NAA11: variants seen among roughly 807,000 people sequenced by gnomAD.
NAA11 encodes the protein N-alpha-acetyltransferase 11, NatA catalytic subunit.
Under a neutral mutation model 16.1 loss-of-function variants are expected in NAA11, and 15 were observed. That is an observed-to-expected ratio of 0.93 (90% CI 0.62 to 1.44). The LOEUF is 1.44. Ranked by LOEUF, NAA11 falls within the 40% of genes most tolerant of loss-of-function variation. The pLI is 0.00. For synonymous variants in NAA11, 122 were observed against 112.4 expected, an observed-to-expected ratio of 1.09 and a Z score of -0.54; for missense variants, 298 against 291.3, an observed-to-expected ratio of 1.02 and a Z score of -0.17.
At chr4:79,204,936 C>T in the NAA11 span, among the ~76,000 whole-genome samples, 2 of 151,456 alleles carry the variant, frequency 1.3e-5, no homozygotes, top group Non-Finnish European at 3.0e-5. Context: ...TATACACACA[C>T]ACACACACAC....
Position 79,249,736 on chromosome 4 carries a change from C to G in NAA11, c.*123-23466G>C, listed in dbSNP as rs528712249. 3.3e-5 allele frequency among the ~76,000 whole-genome samples: 5 copies of G among 152,174 alleles called. No individual in the cohort carries two copies. In the East Asian group the frequency reaches 9.6e-4, roughly 29 times the overall value. ...CCCCAAACCTTGCTAGAAAGACCAA[C>G]ATTCAAATTCAGAAAACACAGAGAA... On this transcript the variant is annotated intron_variant and NMD_transcript_variant, in intron 2 of 2. Coordinates refer to the NAA11 transcript ENST00000511542.
In NAA11 at chr4:79,325,202, C is replaced by T. The variant is rs1235233451; in HGVS notation, c.676G>A (p.Asp226Asn). ...TTAAGCATGCTCTAGGAGGTGGAAT[C>T]CGAGCTTTCTGAGCTGTCCTGGACG... ...TNVQDSSESS[D>N]STS The change falls in exon 1 of 2, where the codon GAT (aspartate) becomes AAT (asparagine). Residue 226 changes from aspartate to asparagine, a missense_variant. Asp to Asn is a conservative substitution (Grantham distance 23). Transcript: ENST00000286794. 2 of 1,609,290 alleles carry T rather than the reference C, an allele frequency of 1.2e-6. No homozygotes were observed. Among genetic ancestry groups the T allele is most frequent in the East Asian group, 2.2e-5 (1 of 44,768 alleles).
At chr4:79,284,101 A>G (rs1338451863) in intron 2 of NAA11, among the ~76,000 whole-genome samples, 1 of 152,066 alleles carries the variant, frequency 6.6e-6, no homozygotes, top group Non-Finnish European at 1.5e-5. Flanking sequence ...TTGTCTCTAA[A>G]CCCAAAAACA....
intron 1 of NAA11, among the ~76,000 whole-genome samples, chr4:79,309,952 T>C (rs774773578): frequency 5.8e-4 from 88 of 152,132 alleles, no homozygotes; most frequent in Non-Finnish European, 1.1e-3. Context: ...CCTGACCTCG[T>C]GATCCGCCCA....
chr4:79,265,401 C>G (rs1315937091), intron 2 of NAA11, among the ~76,000 whole-genome samples: 1 of 152,192 alleles, frequency 6.6e-6, no homozygotes, highest in African/African-American at 2.4e-5. Context: ...CTGTTCAAAA[C>G]TCTCTGCTGA....
At chr4:79,176,987 T>C in the NAA11 span, among the ~76,000 whole-genome samples, 1 of 152,156 alleles carries the variant, frequency 6.6e-6, no homozygotes, top group Non-Finnish European at 1.5e-5. Context: ...GAGCTTCCTA[T>C]ATTAGTGGAC....
chr4:79,276,995 C>A (rs1560442805), intron 2 of NAA11, among the ~76,000 whole-genome samples: 1 of 152,172 alleles, frequency 6.6e-6, no homozygotes, highest in Non-Finnish European at 1.5e-5. Context: ...TTAGGGGCTA[C>A]TAGCCAGATG....
At chr4:79,318,248 G>C (rs922758037) in intron 1 of NAA11, among the ~76,000 whole-genome samples, 1 of 152,158 alleles carries the variant, frequency 6.6e-6, no homozygotes, top group Non-Finnish European at 1.5e-5. Context: ...GATGCAATGT[G>C]TCCAACTCTA....
chr4:79,156,327 G>A, the NAA11 span, among the ~76,000 whole-genome samples: 22 of 60,254 alleles, frequency 3.7e-4, no homozygotes, highest in African/African-American at 8.0e-4. Flanking sequence ...GTGTGTGTGT[G>A]TGTATATATA....
intron 1 of NAA11, among the ~76,000 whole-genome samples, chr4:79,323,241 T>C (rs1325686420): frequency 6.6e-6 from 1 of 152,218 alleles, no homozygotes; most frequent in Non-Finnish European, 1.5e-5. Flanking sequence ...AAACTGCCAG[T>C]AGCTCACCGA....
At chr4:79,228,888 A>G (rs966598657) in intron 2 of NAA11, among the ~76,000 whole-genome samples, 1 of 151,982 alleles carries the variant, frequency 6.6e-6, no homozygotes, top group Admixed American at 6.6e-5. Flanking sequence ...AAAACGACCA[A>G]ACTGTTTTCC....
intron 2 of NAA11, among the ~76,000 whole-genome samples, chr4:79,260,933 C>A (rs1312687376): frequency 1.3e-5 from 2 of 152,194 alleles, no homozygotes; most frequent in African/African-American, 4.8e-5. Flanking sequence ...CAAAATATTA[C>A]ATCTATGGTG....
the NAA11 span, among the ~76,000 whole-genome samples, chr4:79,159,509 G>T: frequency 6.6e-6 from 1 of 152,274 alleles, no homozygotes; most frequent in South Asian, 2.1e-4. Flanking sequence ...CTATTTTAAA[G>T]TATACAGTTC....
At chr4:79,292,448 T>C (rs1723109387) in intron 2 of NAA11, among the ~76,000 whole-genome samples, 1 of 152,224 alleles carries the variant, frequency 6.6e-6, no homozygotes, top group Non-Finnish European at 1.5e-5. Context: ...AAGCAGAAGC[T>C]AAAACAGAAT....
chr4:79,204,693 T>G, the NAA11 span, among the ~76,000 whole-genome samples: 1 of 151,940 alleles, frequency 6.6e-6, no homozygotes, highest in African/African-American at 2.4e-5. Context: ...TAATTAATTT[T>G]TAATCCCTTA....
chr4:79,208,764 A>T, the NAA11 span, among the ~76,000 whole-genome samples: 2 of 151,788 alleles, frequency 1.3e-5, no homozygotes, highest in African/African-American at 4.8e-5. Context: ...ATACCTCTTC[A>T]TAGAAATTTA....
chr4:79,209,562 C>G, the NAA11 span, among the ~76,000 whole-genome samples: 9 of 152,044 alleles, frequency 5.9e-5, no homozygotes, highest in African/African-American at 2.2e-4. Context: ...TTACTGTTGT[C>G]ACTCTGAGTA....
At chr4:79,176,807 T>C in the NAA11 span, among the ~76,000 whole-genome samples, 1 of 152,154 alleles carries the variant, frequency 6.6e-6, no homozygotes, top group African/African-American at 2.4e-5. Context: ...AGAAAATCAT[T>C]TGAGCAGGCA....
At chr4:79,323,154 C>T (rs1027954610) in intron 1 of NAA11, among the ~76,000 whole-genome samples, 5 of 152,100 alleles carry the variant, frequency 3.3e-5, no homozygotes, top group Admixed American at 3.3e-4. Context: ...CTATTTATGA[C>T]TAGACTTTGC....
Sources: allele counts gnomAD v4.1 joint callset (sites outside exome capture counted in the v4.1 genomes callset), GRCh38; gene constraint gnomAD v4.1.1; transcripts MANE v1.5; gene names NCBI Gene and HGNC (gene_info 2026-07-23, HGNC 2026-07-21).